Variants in GLB1L2 observed in about 807,000 individuals in gnomAD.
GLB1L2 encodes the protein beta-galactosidase-1-like protein 2.
In GLB1L2, 68 loss-of-function variants were observed where a neutral mutation model predicts 84.1. The ratio of observed to expected loss-of-function variants is 0.81; its 90% confidence interval spans 0.67 to 0.99. The LOEUF (loss-of-function observed/expected upper bound fraction) is 0.99. Among genes scored for constraint, GLB1L2 ranks in the 50% least tolerant of loss-of-function variants. The probability of loss-of-function intolerance (pLI) is 0.00; values close to 1 mark genes in which losing one functional copy is unlikely to be tolerated. For synonymous variants in GLB1L2, 290 were observed against 318.0 expected (o/e 0.91, Z 0.94); for missense variants, 762 against 805.6 (o/e 0.95, Z 0.66).
intron 5 of GLB1L2, among the ~76,000 whole-genome samples, chr11:134,349,450 T>C (rs1383242431): frequency 6.6e-6 from 1 of 152,240 alleles, no homozygotes; most frequent in Non-Finnish European, 1.5e-5. Flanking sequence ...CTTTTGGGTA[T>C]ATACCTAGAA....
At chr11:134,340,999 T>A (rs1324602741) in intron 1 of GLB1L2, among the ~76,000 whole-genome samples, 5 of 152,156 alleles carry the variant, frequency 3.3e-5, no homozygotes, top group Non-Finnish European at 7.3e-5. Flanking sequence ...GTGTACAGAA[T>A]CTTTCATTGT....
At chr11:134,366,046 G>C (rs1943864188) in intron 8 of GLB1L2, among the ~76,000 whole-genome samples, 1 of 152,216 alleles carries the variant, frequency 6.6e-6, no homozygotes, top group Admixed American at 6.5e-5. Context: ...TGTAAGTAGT[G>C]GCTTGGGGAC....
At chr11:134,337,311 C>T (rs947807373) in intron 1 of GLB1L2, among the ~76,000 whole-genome samples, 26 of 152,204 alleles carry the variant, frequency 1.7e-4, no homozygotes, top group Non-Finnish European at 3.8e-4. Flanking sequence ...AGCCCTTGGG[C>T]GTATTTAATG....
At chr11:134,373,600 C>T in intron 15 of GLB1L2, 121 bp from the exon 16 acceptor site, 1 of 681,136 alleles carries the variant, frequency 1.5e-6, no homozygotes, top group Non-Finnish European at 2.6e-6. Context: ...CCCAGCTTCT[C>T]AGGGAGCGTA....
chr11:134,352,690 C>T (rs1300219730), intron 5 of GLB1L2, among the ~76,000 whole-genome samples: 3 of 151,118 alleles, frequency 2.0e-5, no homozygotes, highest in Non-Finnish European at 4.4e-5. Flanking sequence ...TCTTGTCGCC[C>T]AGGCAGGAGT....
At chr11:134,364,028 C>T (rs1388734020) in intron 7 of GLB1L2, among the ~76,000 whole-genome samples, 1 of 152,186 alleles carries the variant, frequency 6.6e-6, no homozygotes, top group Admixed American at 6.5e-5. Flanking sequence ...CAGGCATGCA[C>T]CACCAACCCT....
intron 17 of GLB1L2, 45 bp from the exon 18 acceptor site, chr11:134,374,557 C>G (rs1414729584): frequency 6.9e-7 from 1 of 1,456,432 alleles, no homozygotes; most frequent in Non-Finnish European, 9.6e-7. Flanking sequence ...TCCACTTTTG[C>G]TGTGGCTCTC....
intron 9 of GLB1L2, 118 bp from the exon 10 acceptor site, chr11:134,368,526 A>G (rs1943894990): frequency 3.0e-6 from 3 of 999,738 alleles, no homozygotes; most frequent in East Asian, 2.4e-5. Context: ...GGACAGAGTG[A>G]CAAAGTTGGC....
At position 134,371,393 on chromosome 11, in the gene GLB1L2, G is replaced by A. The variant is rs1332014671; in HGVS notation, c.1357-28G>A. The A allele has an allele frequency of 2.1e-6, 3 of 1,439,990 alleles. No individual in the cohort carries two copies. In the Admixed American group the frequency reaches 5.0e-5, roughly 24 times the overall value. The allele number at this position is 1,439,990 out of a possible 1,614,324, so 89.2% of individuals were successfully genotyped here. On this transcript the variant is annotated intron_variant, in intron 13 of 18. Transcript: ENST00000535456. Reference sequence around the variant, plus strand: ...CGCTTACCCTCCTCCTGTTGGTCATGGATGTTCCTGCCTGTTCCCTTTGGC... The same window carrying A: ...CGCTTACCCTCCTCCTGTTGGTCATAGATGTTCCTGCCTGTTCCCTTTGGC...
chr11:134,352,241 A>G (rs1943644300), intron 5 of GLB1L2, among the ~76,000 whole-genome samples: 1 of 152,102 alleles, frequency 6.6e-6, no homozygotes, highest in African/African-American at 2.4e-5. Flanking sequence ...TTGGCGTACA[A>G]TTTGTTCATA....
intron 1 of GLB1L2, among the ~76,000 whole-genome samples, chr11:134,336,780 T>C (rs894838445): frequency 2.6e-5 from 4 of 152,102 alleles, no homozygotes; most frequent in Non-Finnish European, 5.9e-5. Context: ...CATAATAATG[T>C]TTTTCCGTAT....
At chr11:134,336,285 T>C (rs1943386592) in intron 1 of GLB1L2, among the ~76,000 whole-genome samples, 1 of 152,144 alleles carries the variant, frequency 6.6e-6, no homozygotes, top group African/African-American at 2.4e-5. Flanking sequence ...GTATTCAGAG[T>C]GTGAAGGGGA....
chr11:134,349,601 C>T (rs527264456), intron 5 of GLB1L2, among the ~76,000 whole-genome samples: 551 of 152,334 alleles, frequency 3.6e-3, no homozygotes, highest in Admixed American at 6.6e-3. Flanking sequence ...CTTGCCAACA[C>T]TTGTTATTTC....
intron 5 of GLB1L2, among the ~76,000 whole-genome samples, chr11:134,351,585 T>C (rs1398530470): frequency 6.6e-6 from 1 of 152,174 alleles, no homozygotes; most frequent in Non-Finnish European, 1.5e-5. Context: ...CCTCAGGTGA[T>C]CCACCTGCCT....
rs987941945 is a variant in GLB1L2, at chr11:134,338,154, G to A, written c.87-4600G>A. 1.3e-5 allele frequency among the ~76,000 whole-genome samples: 2 copies of A among 152,100 alleles called. No homozygotes were observed. Among genetic ancestry groups the A allele is most frequent in the Admixed American group, 6.5e-5 (1 of 15,276 alleles). On this transcript the variant is annotated intron_variant, in intron 1 of 18. Coordinates refer to ENST00000535456, the MANE Select transcript of GLB1L2 (RefSeq NM_001370461.1). The surrounding 1 kb of genome is among the most constrained non-coding windows in gnomAD (Gnocchi z 6.2). ...GCACTCCGGATGTTCTGCTGTGCCC[G>A]GTTGCATGGATCCTGGCCTATCTGT...
intron 8 of GLB1L2, chr11:134,364,749 TC>T (rs1315849694): frequency 1.8e-5 from 4 of 228,108 alleles, no homozygotes; most frequent in Non-Finnish European, 3.4e-5. Flanking sequence ...TACACAGGCA[TC>T]CGACCTTAAC....
chr11:134,370,451 T>C lies in GLB1L2; in HGVS notation c.1215+52T>C. On this transcript the variant is annotated intron_variant, in intron 12 of 18. Coordinates refer to ENST00000535456, the MANE Select transcript of GLB1L2 (RefSeq NM_001370461.1). This position sits in a 1 kb window ranked among gnomAD's most constrained non-coding sequence, Gnocchi z 4.7. ...GGTGAGTGAGTGCCGGGGGCAGTCG[T>C]TGGCAGGGAGGTGAGTGCTGGGGGC... 1 of 1,428,984 alleles carries C rather than the reference T, an allele frequency of 7.0e-7. No homozygotes were observed. Among genetic ancestry groups the C allele is most frequent in the Non-Finnish European group, 9.8e-7 (1 of 1,018,732 alleles). The allele number at this position is 1,428,984 out of a possible 1,614,324, so 88.5% of individuals were successfully genotyped here. A position where few individuals can be genotyped will look rare whatever the true frequency, so the allele number is the denominator to read the frequency against.
chr11:134,350,250 G>C (rs1046186692), intron 5 of GLB1L2, among the ~76,000 whole-genome samples: 1 of 152,162 alleles, frequency 6.6e-6, no homozygotes, highest in African/African-American at 2.4e-5. Flanking sequence ...GGACTCCAGA[G>C]CACTTCAGCC....
chr11:134,335,330 G>T (rs899273633), intron 1 of GLB1L2, among the ~76,000 whole-genome samples: 2 of 151,776 alleles, frequency 1.3e-5, no homozygotes, highest in South Asian at 4.2e-4. Context: ...TTGATTTTAT[G>T]GGCCTTGCCT....
Sources: gnomAD v4.1 joint callset for allele counts (sites outside exome capture counted in the v4.1 genomes callset) on GRCh38, gnomAD v4.1.1 for gene constraint, Gnocchi (gnomAD v3.1) non-coding constraint, MANE v1.5 for transcripts, NCBI Gene and HGNC (gene_info 2026-07-23, HGNC 2026-07-21) for gene names.